Variants in GRAMD4 observed in about 807,000 individuals in gnomAD.
GRAMD4 encodes the protein GRAM domain-containing protein 4.
A neutral mutation model predicts 83.9 loss-of-function variants in GRAMD4; 25 were observed. The observed-to-expected ratio is 0.30, with a 90% CI of 0.22 to 0.42. GRAMD4 has a LOEUF of 0.42. Ranked by LOEUF, GRAMD4 falls within the 10% of genes least tolerant of loss-of-function variation. The pLI is 1.00. For missense variants in GRAMD4, 593 were observed against 788.7 expected, an observed-to-expected ratio of 0.75 and a Z score of 2.97; for synonymous variants, 336 against 320.9, an observed-to-expected ratio of 1.05 and a Z score of -0.50.
chr22:46,642,941 A>C (rs1474740892), intron 3 of GRAMD4, among the ~76,000 whole-genome samples: 2 of 151,870 alleles, frequency 1.3e-5, no homozygotes, highest in East Asian at 3.9e-4. Context: ...TCATCCATCC[A>C]TCCATCCATC....
chr22:46,643,133 ATGCATCCT>A (rs1569283801), intron 3 of GRAMD4, among the ~76,000 whole-genome samples: 177 of 114,722 alleles, frequency 1.5e-3, no homozygotes, highest in African/African-American at 2.0e-3. Context: ...GCATCCATCC[ATGCATCCT>A]TCCATCCATC....
chr22:46,619,888 A>G (rs1178803620), upstream of GRAMD4, among the ~76,000 whole-genome samples: 3 of 152,138 alleles, frequency 2.0e-5, no homozygotes, highest in East Asian at 3.9e-4. Flanking sequence ...CGAGTCCCCC[A>G]GGGACATTGC....
intron 1 of GRAMD4, among the ~76,000 whole-genome samples, chr22:46,586,394 G>A (rs1441100243): frequency 6.6e-6 from 1 of 152,026 alleles, no homozygotes; most frequent in African/African-American, 2.4e-5. Context: ...TTTGCCGGGT[G>A]ATGCTGGCTC....
rs556503090 is a variant in GRAMD4, at chr22:46,622,445, G to T, written c.-50+1880G>T. Among the ~76,000 whole-genome samples the T allele has an allele frequency of 6.6e-6, 1 of 152,160 alleles. No homozygotes were observed. Among genetic ancestry groups the T allele is most frequent in the South Asian group, 2.1e-4 (1 of 4,834 alleles). The stretch of plus-strand genomic sequence containing the variant: ...TACATTGCTACACTTCCCCTAGCCC[G>T]TTCATCCTTCCTTTTTAAACATTAA... On this transcript the variant is annotated intron_variant, in intron 1 of 18. Transcript: ENST00000406902. This position sits in a 1 kb window ranked among gnomAD's most constrained non-coding sequence, Gnocchi z 4.0.
chr22:46,576,637 C>T (rs1415267456), upstream of GRAMD4, among the ~76,000 whole-genome samples: 2 of 152,128 alleles, frequency 1.3e-5, no homozygotes, highest in African/African-American at 4.8e-5. Context: ...GGTCCAGCCC[C>T]GGCGTGGGGC....
intron 3 of GRAMD4, among the ~76,000 whole-genome samples, chr22:46,652,201 A>ATTATCT (rs2082176606): frequency 6.6e-6 from 1 of 152,132 alleles, no homozygotes; most frequent in African/African-American, 2.4e-5. Context: ...CTGGGGGCGC[A>ATTATCT]CAGTCACCAC....
At chr22:46,654,860 A>G (rs2082219440) in intron 3 of GRAMD4, among the ~76,000 whole-genome samples, 1 of 152,172 alleles carries the variant, frequency 6.6e-6, no homozygotes. Context: ...CAAGTCAGGG[A>G]GGCCTGCAGG....
chr22:46,658,455 T>G (rs2147328170), intron 4 of GRAMD4, 148 bp downstream of exon 4: 1 of 747,852 alleles, frequency 1.3e-6, no homozygotes, highest in East Asian at 2.8e-5. Flanking sequence ...TGGGCCCGGC[T>G]CTGACTGCCC....
At chr22:46,636,982 C>T (rs760450364) in intron 2 of GRAMD4, among the ~76,000 whole-genome samples, 53 of 152,190 alleles carry the variant, frequency 3.5e-4, no homozygotes, top group African/African-American at 1.1e-3. Context: ...CTGTGAGCCG[C>T]GGTTTTCATG....
intron 1 of GRAMD4, among the ~76,000 whole-genome samples, chr22:46,614,759 T>C (rs1046694634): frequency 1.3e-5 from 2 of 151,982 alleles, no homozygotes; most frequent in Non-Finnish European, 2.9e-5. Flanking sequence ...CCTGTGCGTG[T>C]AGGTTCCCCT....
chr22:46,586,285 C>T (rs1223697875), intron 1 of GRAMD4, among the ~76,000 whole-genome samples: 5 of 152,114 alleles, frequency 3.3e-5, no homozygotes, highest in Admixed American at 6.5e-5. Context: ...CACCGCCCCA[C>T]GTGCCCCACC....
intron 3 of GRAMD4, among the ~76,000 whole-genome samples, chr22:46,641,100 T>C (rs2147238975): frequency 6.6e-6 from 1 of 152,152 alleles, no homozygotes; most frequent in South Asian, 2.1e-4. Context: ...AGAGATGGAG[T>C]CTCACTGTGT....
At chr22:46,645,026 G>C (rs2082054327) in intron 3 of GRAMD4, among the ~76,000 whole-genome samples, 1 of 149,078 alleles carries the variant, frequency 6.7e-6, no homozygotes, top group Non-Finnish European at 1.5e-5. Flanking sequence ...TATTACAGGC[G>C]TGAGCCACTG....
At chr22:46,666,569 C>T (rs532995857) in intron 9 of GRAMD4, among the ~76,000 whole-genome samples, 7 of 152,108 alleles carry the variant, frequency 4.6e-5, no homozygotes, top group African/African-American at 1.4e-4. Flanking sequence ...GCCGCCCTCT[C>T]CCACACCGCT....
chr22:46,618,446 C>T (rs1569264457), upstream of GRAMD4, among the ~76,000 whole-genome samples: 2 of 152,138 alleles, frequency 1.3e-5, no homozygotes, highest in South Asian at 2.1e-4. The surrounding 1 kb of genome is among the most constrained non-coding windows in gnomAD (Gnocchi z 5.8). Context: ...CCAAACGTGT[C>T]GGGCCCTGCA....
At chr22:46,591,757 C>T (rs958662960) in intron 1 of GRAMD4, among the ~76,000 whole-genome samples, 5 of 137,810 alleles carry the variant, frequency 3.6e-5, no homozygotes, top group African/African-American at 8.3e-5. Context: ...CGTTTGAACT[C>T]GGGAGACGGA....
chr22:46,638,970 G>A (rs2147228193), intron 3 of GRAMD4, among the ~76,000 whole-genome samples: 1 of 152,342 alleles, frequency 6.6e-6, no homozygotes, highest in Non-Finnish European at 1.5e-5. Flanking sequence ...TCATGTCTGT[G>A]CGCTCACCTG....
Position 46,658,233 on chromosome 22 carries a change from G to T in GRAMD4, c.330G>T (p.Leu110=). The change falls in exon 4 of 19, where the codon CTG becomes CTT. Residue 110 remains leucine (L), a synonymous_variant. Transcript: ENST00000406902. ...KLREETNAEM[L]RQELDRERQR... The stretch of plus-strand genomic sequence containing the variant: ...GAGAAGAAACCAACGCGGAGATGCT[G>T]CGGCAGGAGCTGGACCGCGAGCGGC... 1 of 1,613,666 alleles carries T rather than the reference G, an allele frequency of 6.2e-7. No individual in the cohort carries two copies.
At chr22:46,588,650 C>T (rs2081175440) in intron 1 of GRAMD4, among the ~76,000 whole-genome samples, 1 of 152,162 alleles carries the variant, frequency 6.6e-6, no homozygotes, top group Admixed American at 6.5e-5. Context: ...GCCAGTGCTC[C>T]TGGAGCTGCG....
Sources: allele counts gnomAD v4.1 joint callset (sites outside exome capture counted in the v4.1 genomes callset), GRCh38; gene constraint gnomAD v4.1.1; non-coding constraint Gnocchi (gnomAD v3.1); transcripts MANE v1.5; gene names NCBI Gene and HGNC (gene_info 2026-07-23, HGNC 2026-07-21).